Variants in SAMM50 observed in about 807,000 individuals in gnomAD.
The protein encoded by SAMM50 is sorting and assembly machinery component 50 homolog.
In SAMM50, 47 loss-of-function variants were observed where a neutral mutation model predicts 66.9. That is an observed-to-expected ratio of 0.70 (90% confidence interval 0.56 to 0.90). The LOEUF (loss-of-function observed/expected upper bound fraction) is 0.90. Among genes scored for constraint, SAMM50 ranks in the 40% least tolerant of loss-of-function variants. The pLI, the probability that SAMM50 is intolerant of heterozygous loss-of-function variation, is 0.00. For missense variants in SAMM50, 535 were observed against 595.3 expected, an observed-to-expected ratio of 0.90 and a Z score of 1.05; for synonymous variants, 191 against 214.1, an observed-to-expected ratio of 0.89 and a Z score of 0.94.
At chr22:43,993,273 C>T (rs1246939918) in intron 14 of SAMM50, among the ~76,000 whole-genome samples, 2 of 152,252 alleles carry the variant, frequency 1.3e-5, no homozygotes, top group Non-Finnish European at 2.9e-5. Flanking sequence ...CCACTGTGCA[C>T]GTCTCGGGCA....
chr22:43,989,378 C>A, intron 13 of SAMM50, 121 bp downstream of exon 13: 1 of 1,045,318 alleles, frequency 9.6e-7, no homozygotes, highest in Non-Finnish European at 1.3e-6. Context: ...CGCTCTATTG[C>A]CAGGCTGGAG....
At chr22:43,968,469 T>G (rs1013705845) in intron 3 of SAMM50, among the ~76,000 whole-genome samples, 10 of 152,176 alleles carry the variant, frequency 6.6e-5, no homozygotes, top group Non-Finnish European at 1.5e-5. Context: ...TGTATCTGCG[T>G]TAGTCTTGTT....
chr22:43,981,467 T>C lies in SAMM50; in HGVS notation c.1007+6T>C. 1 of 1,584,734 alleles carries C rather than the reference T, an allele frequency of 6.3e-7. No individual in the cohort carries two copies. The highest frequency in any genetic ancestry group is 8.7e-7 in the Non-Finnish European group (1 of 1,153,394). On this transcript the variant is annotated splice_donor_region_variant and intron_variant, in intron 11 of 14. Transcript: ENST00000350028. ...CCGTCAAGCATTGCTGATAGGTAAG[T>C]ACTAATCAATGAATGGATAATTTGC...
chr22:43,970,485 G>A (rs1235336476), intron 4 of SAMM50, among the ~76,000 whole-genome samples: 2 of 152,190 alleles, frequency 1.3e-5, no homozygotes, highest in Non-Finnish European at 2.9e-5. Flanking sequence ...CTCCCTTTAA[G>A]CACCTGTCCT....
chr22:43,991,191 T>C (rs1264063054), intron 14 of SAMM50, among the ~76,000 whole-genome samples: 1 of 151,670 alleles, frequency 6.6e-6, no homozygotes, highest in Non-Finnish European at 1.5e-5. Context: ...TTGGTCAGGG[T>C]GGTGTCAAAC....
chr22:43,987,783 T>G (rs1408229501), intron 12 of SAMM50: 5 of 152,182 alleles, frequency 3.3e-5, no homozygotes, highest in Admixed American at 3.3e-4. Context: ...CATTAAATAT[T>G]GGTCCACCTA....
rs1381228788 is a variant in SAMM50, at chr22:43,983,331, A to G, written c.1008-602A>G. Among the ~76,000 whole-genome samples, 3 of 152,212 alleles carry G rather than the reference A, an allele frequency of 2.0e-5. No homozygotes were observed. Among genetic ancestry groups the G allele is most frequent in the South Asian group, 2.1e-4 (1 of 4,836 alleles). ...GTTCTAATATGCTGTTCAATTTTTC[A>G]GAAAGTGGATGGGTTTTTATGTAAT... On this transcript the variant is annotated intron_variant, in intron 11 of 14. Coordinates refer to ENST00000350028, the MANE Select transcript of SAMM50 (RefSeq NM_015380.5). This position sits in a 1 kb window ranked among gnomAD's most constrained non-coding sequence, Gnocchi z 4.2.
intron 4 of SAMM50, among the ~76,000 whole-genome samples, chr22:43,969,064 C>T (rs370343457): frequency 4.6e-5 from 7 of 152,328 alleles, no homozygotes; most frequent in East Asian, 1.9e-4. Context: ...CTCAAGCGAT[C>T]TACCTGCCTC....
intron 8 of SAMM50, 33 bp from the exon 9 acceptor site, chr22:43,976,717 A>G (rs1443136555): frequency 1.3e-6 from 2 of 1,536,944 alleles, no homozygotes; most frequent in Admixed American, 3.4e-5. Context: ...GAACTTCTTA[A>G]AGTGAAAATA....
chr22:43,981,289 G>T, intron 10 of SAMM50, 102 bp from the exon 11 acceptor site: 1 of 905,232 alleles, frequency 1.1e-6, no homozygotes. Context: ...GCGGAGCTCT[G>T]CACGCCACGG....
At chr22:43,967,027 G>A (rs550199246) in intron 3 of SAMM50, among the ~76,000 whole-genome samples, 1 of 152,196 alleles carries the variant, frequency 6.6e-6, no homozygotes, top group East Asian at 1.9e-4. Flanking sequence ...TCTTCCCTGG[G>A]CTTTGGTGAC....
At chr22:43,966,993 T>C (rs2050176896) in intron 3 of SAMM50, among the ~76,000 whole-genome samples, 3 of 152,196 alleles carry the variant, frequency 2.0e-5, no homozygotes, top group Non-Finnish European at 4.4e-5. Flanking sequence ...TTTGAATGTG[T>C]CTGTCCCTCT....
chr22:43,991,550 G>A (rs1192534010), intron 14 of SAMM50, among the ~76,000 whole-genome samples: 3 of 152,198 alleles, frequency 2.0e-5, no homozygotes, highest in South Asian at 4.1e-4. Flanking sequence ...TTACAGGTAT[G>A]AGCCACCGCA....
chr22:43,976,243 G>C (rs1390322253), intron 8 of SAMM50, 60 bp downstream of exon 8: 6 of 1,556,540 alleles, frequency 3.9e-6, no homozygotes, highest in Admixed American at 1.8e-5. Flanking sequence ...CTATGCATTG[G>C]GAAAACAGTC....
chr22:43,967,099 C>T (rs2050177446), intron 3 of SAMM50, among the ~76,000 whole-genome samples: 1 of 152,160 alleles, frequency 6.6e-6, no homozygotes, highest in Non-Finnish European at 1.5e-5. Context: ...TTGTCAGCTC[C>T]TTTTCCCTGT....
At chr22:43,966,808 A>ATT (rs59436064) in intron 3 of SAMM50, among the ~76,000 whole-genome samples, 26,986 of 149,738 alleles carry the variant, frequency 0.18, 2,779 homozygotes, top group East Asian at 0.34. Context: ...GAGATCCAGC[A>ATT]TTTTTTTTTT....
chr22:43,977,781 G>T, intron 9 of SAMM50, 91 bp from the exon 10 acceptor site: 1 of 875,820 alleles, frequency 1.1e-6, no homozygotes, highest in South Asian at 1.6e-5. Flanking sequence ...ATACAAAACG[G>T]CAAAATTAAA....
intron 1 of SAMM50, among the ~76,000 whole-genome samples, chr22:43,962,637 A>G (rs772511576): frequency 3.7e-4 from 57 of 152,280 alleles, no homozygotes; most frequent in Admixed American, 1.2e-3. Context: ...TTTTCTTAGT[A>G]ATCTGGTTTG....
At chr22:43,976,664 G>A (rs1198541994) in intron 8 of SAMM50, 86 bp from the exon 9 acceptor site, 8 of 917,788 alleles carry the variant, frequency 8.7e-6, no homozygotes, top group Admixed American at 5.3e-5. Context: ...GAGTGCTAGC[G>A]TGGTGTGGCC....
Sources: allele counts gnomAD v4.1 joint callset (sites outside exome capture counted in the v4.1 genomes callset), GRCh38; gene constraint gnomAD v4.1.1; non-coding constraint Gnocchi (gnomAD v3.1); transcripts MANE v1.5; gene names NCBI Gene and HGNC (gene_info 2026-07-23, HGNC 2026-07-21).